Variants in TRPV4 observed in about 807,000 individuals in gnomAD.
TRPV4 encodes OSM9-like transient receptor potential channel 4.
TRPV4 carries 58 observed loss-of-function variants against 84.1 expected under a neutral mutation model. The observed-to-expected ratio is 0.69, with a 90% CI of 0.56 to 0.86. The LOEUF (loss-of-function observed/expected upper bound fraction) is 0.86, where lower values mean the gene tolerates loss of function less well. Ranked by LOEUF, TRPV4 falls within the 40% of genes least tolerant of loss-of-function variation. TRPV4 has a pLI of 0.00. For synonymous variants in TRPV4, 489 were observed against 500.9 expected (o/e 0.98, Z 0.32); for missense variants, 879 against 1,181.1 (o/e 0.74, Z 3.75).
intron 1 of TRPV4, among the ~76,000 whole-genome samples, chr12:109,829,495 A>G (rs969830239): frequency 2.0e-5 from 3 of 152,258 alleles, no homozygotes; most frequent in Non-Finnish European, 4.4e-5. Context: ...CCCAAATGCA[A>G]GTCTAGCTTT....
intron 7 of TRPV4, among the ~76,000 whole-genome samples, chr12:109,795,090 C>T (rs999867997): frequency 5.9e-5 from 9 of 152,142 alleles, no homozygotes; most frequent in Non-Finnish European, 8.8e-5. Context: ...AGCTGCTGGC[C>T]GCAAAATAAT....
intron 2 of TRPV4, among the ~76,000 whole-genome samples, chr12:109,813,508 T>C (rs1350827703): frequency 6.6e-6 from 1 of 152,042 alleles, no homozygotes; most frequent in African/African-American, 2.4e-5. Flanking sequence ...AATGGGTAAA[T>C]GGCTGAGTTT....
rs1161577608 is a variant in TRPV4, at chr12:109,798,018, A to G, written c.1152+596T>C. On this transcript the variant is annotated intron_variant, in intron 6 of 15. Transcript: ENST00000261740. The surrounding 1 kb of genome is among the most constrained non-coding windows in gnomAD (Gnocchi z 5.0). Reference sequence around the variant, plus strand: ...GGTGCTCCTGCCTCTAGCATACTCCAGACTTGGTTCCCAATCCAGCGATGG... The same window carrying G: ...GGTGCTCCTGCCTCTAGCATACTCCGGACTTGGTTCCCAATCCAGCGATGG... Among the ~76,000 whole-genome samples the G allele has an allele frequency of 2.6e-5, 4 of 152,220 alleles. No homozygotes were observed. The highest frequency in any genetic ancestry group is 2.6e-4 in the Admixed American group (4 of 15,286).
At position 109,794,458 on chromosome 12, in the gene TRPV4, G is replaced by T; in HGVS notation, c.1362C>A (p.Pro454=). The part of the protein sequence containing the change: ...ENRHEMLAVE[P]INELLRDKWR... ...ACTTGTCCCGCAGCAGTTCATTGATGGGCTCCACAGCCAGCATCTCGTGGC... is the reference window on the plus strand; with the variant it reads ...ACTTGTCCCGCAGCAGTTCATTGATTGGCTCCACAGCCAGCATCTCGTGGC... Residue 454 remains proline, a synonymous_variant, in exon 8 of 16, where the codon CCC becomes CCA. Transcript: ENST00000261740. The T allele has an allele frequency of 6.2e-7, 1 of 1,614,036 alleles. No homozygotes were observed. The highest frequency in any genetic ancestry group is 8.5e-7 in the Non-Finnish European group (1 of 1,180,018).
intron 5 of TRPV4, among the ~76,000 whole-genome samples, chr12:109,799,461 C>A (rs1473908592): frequency 2.0e-5 from 3 of 152,104 alleles, no homozygotes; most frequent in Non-Finnish European, 2.9e-5. Flanking sequence ...TGATGGAATT[C>A]TTTGTGTGAC....
intron 7 of TRPV4, among the ~76,000 whole-genome samples, chr12:109,795,233 G>A (rs559112791): frequency 3.3e-5 from 5 of 152,178 alleles, no homozygotes; most frequent in Admixed American, 6.5e-5. Context: ...CTGAACCCAG[G>A]GCAGACATCA....
chr12:109,783,616 A>G lies in TRPV4; in HGVS notation c.*5T>C, dbSNP rs767942496. The G allele has an allele frequency of 1.7e-5, 28 of 1,611,882 alleles. No individual in the cohort carries two copies. Among genetic ancestry groups the G allele is most frequent in the Non-Finnish European group, 2.2e-5 (26 of 1,178,706 alleles). ...GGCAGAGAAGCTGGGGCTGGGCTGC[A>G]GTCCCTAGAGCGGGGCGTCATCAGT... On this transcript the variant is annotated 3_prime_UTR_variant, in exon 16 of 16. Coordinates refer to ENST00000261740, the MANE Select transcript of TRPV4 (RefSeq NM_021625.5). This position sits in a 1 kb window ranked among gnomAD's most constrained non-coding sequence, Gnocchi z 4.6.
At chr12:109,787,473 T>C (rs1889762698) in intron 13 of TRPV4, among the ~76,000 whole-genome samples, 1 of 152,052 alleles carries the variant, frequency 6.6e-6, no homozygotes, top group African/African-American at 2.4e-5. Context: ...GGTGAGGTGG[T>C]GCACACCTTA....
chr12:109,806,889 A>C (rs1891177559), intron 3 of TRPV4, among the ~76,000 whole-genome samples: 1 of 147,216 alleles, frequency 6.8e-6, no homozygotes, highest in Non-Finnish European at 1.5e-5. Context: ...AAAAAAAAAA[A>C]CAGGTTGATA....
chr12:109,800,272 G>T (rs4766486), intron 5 of TRPV4, among the ~76,000 whole-genome samples: 3,540 of 152,170 alleles, frequency 0.023, 79 homozygotes, highest in Admixed American at 0.056. Context: ...AAGAGACAGG[G>T]TATTGCTATG....
Position 109,800,735 on chromosome 12 carries a change from T to C in TRPV4, c.736A>G (p.Ile246Val), listed in dbSNP as rs763705688. 18 of 1,611,802 alleles carry C rather than the reference T, an allele frequency of 1.1e-5. No individual in the cohort carries two copies. The East Asian group carries it at 4.0e-4, about 36-fold the overall frequency. The change falls in exon 5 of 16, where the codon ATT (isoleucine) becomes GTT (valine). Residue 246 changes from isoleucine to valine, a missense_variant. By Grantham distance (29) the Ile-to-Val change is conservative. Transcript: ENST00000261740. ...ACGTAGTGTTTGCAGCGACGCTCAA[T>C]GGCGATGTGCAGGGCTGTCTGACCT... ...YRGQTALHIA[I>V]ERRCKHYVEL...
intron 1 of TRPV4, among the ~76,000 whole-genome samples, chr12:109,828,300 G>A (rs1892322365): frequency 6.6e-6 from 1 of 152,172 alleles, no homozygotes; most frequent in African/African-American, 2.4e-5. Context: ...GAGAAGTGAT[G>A]TAACCTCCTT....
chr12:109,801,083 G>T (rs562714243), intron 4 of TRPV4, among the ~76,000 whole-genome samples: 33 of 152,362 alleles, frequency 2.2e-4, no homozygotes, highest in African/African-American at 7.5e-4. Flanking sequence ...GGAGACCAAG[G>T]AGGGAGATCA....
At position 109,788,380 on chromosome 12, in the gene TRPV4, TG is replaced by T. The variant is rs1410930643; in HGVS notation, c.2208+19del. 28 of 1,608,324 alleles carry T rather than the reference TG, an allele frequency of 1.7e-5. No individual in the cohort carries two copies. Among genetic ancestry groups the T allele is most frequent in the Non-Finnish European group, 2.2e-5 (26 of 1,177,738 alleles). On this transcript the variant is annotated intron_variant, in intron 13 of 15. Transcript: ENST00000261740. ...ACGAGGGTGGCTGGTAGAGTGGGGC[TG>T]GGGGCCCTGGGGCCTCACCTGCAGC...
At chr12:109,828,620 C>G (rs531037687) in intron 1 of TRPV4, among the ~76,000 whole-genome samples, 2 of 152,342 alleles carry the variant, frequency 1.3e-5, no homozygotes, top group Admixed American at 6.5e-5. Context: ...AGAGCAGCAA[C>G]TGGCGGAGCT....
At chr12:109,791,597 C>T (rs1465075407) in intron 12 of TRPV4, among the ~76,000 whole-genome samples, 1 of 150,362 alleles carries the variant, frequency 6.7e-6, no homozygotes, top group African/African-American at 2.4e-5. Flanking sequence ...ATTCTTGTGC[C>T]TCAGCCTCCC....
intron 3 of TRPV4, among the ~76,000 whole-genome samples, chr12:109,807,277 A>G (rs1891204769): frequency 1.7e-5 from 1 of 60,362 alleles, no homozygotes; most frequent in African/African-American, 1.7e-4. Context: ...ACTCTGTCTC[A>G]AAAAAAAAAA....
chr12:109,803,135 T>C lies in TRPV4; in HGVS notation c.568A>G (p.Thr190Ala). 6.2e-7 allele frequency: 1 copy of C among 1,614,038 alleles called. No homozygotes were observed. Among genetic ancestry groups the C allele is most frequent in the African/African-American group, 1.3e-5 (1 of 75,048 alleles). ...GCCTTGGGCAGGCAGGTCTTCCCCG[T>C]AGATGGCTCTAGCAAGAGAGACACA... The part of the protein sequence containing the change: ...LTDEEFREPS[T>A]GKTCLPKALL... The change falls in exon 4 of 16, where the codon ACG (threonine) becomes GCG (alanine). Residue 190 changes from threonine (T) to alanine (A), a missense_variant. Transcript: ENST00000261740.
chr12:109,792,457 C>CA (rs1472210871), intron 11 of TRPV4, 28 bp from the exon 12 acceptor site: 1 of 1,611,074 alleles, frequency 6.2e-7, no homozygotes, highest in East Asian at 2.2e-5. Flanking sequence ...ATTATGGAGG[C>CA]AAAGAGGAGA....
Sources: allele counts gnomAD v4.1 joint callset (sites outside exome capture counted in the v4.1 genomes callset), GRCh38; gene constraint gnomAD v4.1.1; non-coding constraint Gnocchi (gnomAD v3.1); transcripts MANE v1.5; gene names NCBI Gene and HGNC (gene_info 2026-07-23, HGNC 2026-07-21).